The following FAM110B variants were observed in gnomAD, a reference collection of about 807,000 sequenced individuals.
The protein encoded by FAM110B is family with sequence similarity 110 member B, also known as protein FAM110B.
A neutral mutation model predicts 20.4 loss-of-function variants in FAM110B; 6 were observed. That is an observed-to-expected ratio of 0.29 (90% CI 0.16 to 0.58). FAM110B has a LOEUF of 0.58. Among genes scored for constraint, FAM110B ranks in the 20% least tolerant of loss-of-function variants. The probability of loss-of-function intolerance (pLI) is 0.90; values close to 1 mark genes in which losing one functional copy is unlikely to be tolerated. For synonymous variants in FAM110B, 226 were observed against 214.1 expected (o/e 1.06, Z -0.49); for missense variants, 434 against 498.2 (o/e 0.87, Z 1.23).
At chr8:58,112,809 C>T (rs551793057) in intron 3 of FAM110B, among the ~76,000 whole-genome samples, 1 of 152,330 alleles carries the variant, frequency 6.6e-6, no homozygotes, top group East Asian at 1.9e-4. Context: ...TAGTAAGTGT[C>T]TTAGTCCACT....
intron 2 of FAM110B, among the ~76,000 whole-genome samples, chr8:58,049,464 C>A (rs1343882523): frequency 2.0e-5 from 3 of 151,796 alleles, no homozygotes; most frequent in Non-Finnish European, 4.4e-5. Context: ...CCAGAACTGC[C>A]CTAATTAGGT....
At chr8:58,003,009 A>G (rs1307840637) in intron 1 of FAM110B, among the ~76,000 whole-genome samples, 5 of 152,224 alleles carry the variant, frequency 3.3e-5, no homozygotes, top group Admixed American at 6.5e-5. Flanking sequence ...CACTTTCCCC[A>G]TAGTAGAACT....
chr8:58,091,754 A>G (rs965009820), intron 3 of FAM110B: 2 of 152,160 alleles, frequency 1.3e-5, no homozygotes, highest in Non-Finnish European at 2.9e-5. Flanking sequence ...GAAAATCCAA[A>G]ATGGGGATCT....
intron 1 of FAM110B, among the ~76,000 whole-genome samples, chr8:58,029,563 T>C (rs944139352): frequency 6.6e-6 from 1 of 152,128 alleles, no homozygotes; most frequent in Admixed American, 6.5e-5. Flanking sequence ...TACACTAAAA[T>C]AGATGAAATT....
chr8:58,058,972 T>A (rs893349390), intron 2 of FAM110B, among the ~76,000 whole-genome samples: 1 of 152,176 alleles, frequency 6.6e-6, no homozygotes, highest in East Asian at 1.9e-4. Context: ...TCTTTCTACC[T>A]CCAGAAGAAA....
chr8:58,010,421 C>G (rs943927830), intron 1 of FAM110B, among the ~76,000 whole-genome samples: 2 of 152,128 alleles, frequency 1.3e-5, no homozygotes, highest in African/African-American at 2.4e-5. Flanking sequence ...GGAACATACA[C>G]TAGCCTCATT....
intron 3 of FAM110B, among the ~76,000 whole-genome samples, chr8:58,138,924 A>C (rs771425916): frequency 7.9e-4 from 121 of 152,360 alleles, no homozygotes; most frequent in Non-Finnish European, 1.6e-3. Flanking sequence ...CCTTCCCTGC[A>C]TCTCTACACC....
At chr8:58,144,602 G>A (rs957780545) in intron 3 of FAM110B, among the ~76,000 whole-genome samples, 2 of 152,170 alleles carry the variant, frequency 1.3e-5, no homozygotes, top group African/African-American at 4.8e-5. Context: ...AGAATTTCAG[G>A]AAATTATAAG....
chr8:58,018,121 A>C (rs1000966554), intron 1 of FAM110B, among the ~76,000 whole-genome samples: 2 of 151,538 alleles, frequency 1.3e-5, no homozygotes, highest in African/African-American at 2.4e-5. Context: ...TGCTCAAACA[A>C]ATGTATTTAA....
intron 1 of FAM110B, among the ~76,000 whole-genome samples, chr8:58,015,831 C>T (rs1340992748): frequency 5.9e-5 from 7 of 118,676 alleles, no homozygotes; most frequent in Non-Finnish European, 1.0e-4. Flanking sequence ...GGTGACAGAG[C>T]AAGACTTTGT....
intron 3 of FAM110B, among the ~76,000 whole-genome samples, chr8:58,080,605 G>A (rs1329279129): frequency 6.6e-6 from 1 of 152,170 alleles, no homozygotes; most frequent in African/African-American, 2.4e-5. Context: ...TGCTTGCCAG[G>A]ACCCTGTGTT....
chr8:58,096,236 C>T (rs79291375), intron 3 of FAM110B, among the ~76,000 whole-genome samples: 2,945 of 152,140 alleles, frequency 0.019, 51 homozygotes, highest in South Asian at 0.094. Context: ...AGTGCAGTGG[C>T]GCAATGTCTT....
intron 2 of FAM110B, among the ~76,000 whole-genome samples, chr8:58,050,674 C>T (rs917065912): frequency 1.4e-4 from 21 of 152,180 alleles, no homozygotes; most frequent in Non-Finnish European, 2.8e-4. Flanking sequence ...TCTTTGGATT[C>T]TTTTCTGTGA....
chr8:58,076,424 G>A (rs559927956), intron 3 of FAM110B, among the ~76,000 whole-genome samples: 21 of 152,202 alleles, frequency 1.4e-4, no homozygotes, highest in Non-Finnish European at 2.8e-4. Context: ...AGACTGAGGA[G>A]GTGGAGCATC....
chr8:58,125,041 A>G (rs1487781016), intron 3 of FAM110B, among the ~76,000 whole-genome samples: 1 of 152,158 alleles, frequency 6.6e-6, no homozygotes, highest in Non-Finnish European at 1.5e-5. Context: ...AGATTATTGT[A>G]ATTTGTACAT....
chr8:58,011,348 A>T (rs1804529403), intron 1 of FAM110B, among the ~76,000 whole-genome samples: 1 of 152,130 alleles, frequency 6.6e-6, no homozygotes, highest in Non-Finnish European at 1.5e-5. Flanking sequence ...CTCTGACTGG[A>T]TAGAGCGCTG....
chr8:58,138,613 T>G (rs1430578705), intron 3 of FAM110B, among the ~76,000 whole-genome samples: 1 of 152,166 alleles, frequency 6.6e-6, no homozygotes, highest in East Asian at 1.9e-4. Flanking sequence ...AGTGAAGGGC[T>G]TTAGGCAAAG....
chr8:58,007,017 A>G (rs1048961974), intron 1 of FAM110B, among the ~76,000 whole-genome samples: 2 of 151,472 alleles, frequency 1.3e-5, no homozygotes, highest in East Asian at 2.0e-4. Flanking sequence ...CTAGCCAACC[A>G]GTATTTCAGT....
At chr8:58,004,216 C>G (rs2150563027) in intron 1 of FAM110B, among the ~76,000 whole-genome samples, 1 of 152,332 alleles carries the variant, frequency 6.6e-6, no homozygotes, top group Middle Eastern at 3.4e-3. Context: ...TTGCCTGCCA[C>G]TCACCTCTTG....
Sources: allele counts gnomAD v4.1 joint callset (sites outside exome capture counted in the v4.1 genomes callset), GRCh38; gene constraint gnomAD v4.1.1; transcripts MANE v1.5; gene names NCBI Gene and HGNC (gene_info 2026-07-23, HGNC 2026-07-21).